The following GTF2A1 variants were observed in gnomAD, a reference collection of about 807,000 sequenced individuals.
GTF2A1 encodes transcription initiation factor IIA subunit 1.
GTF2A1 carries 12 observed loss-of-function variants against 54.1 expected under a neutral mutation model. The ratio of observed to expected loss-of-function variants is 0.22; its 90% CI spans 0.14 to 0.36. The LOEUF (loss-of-function observed/expected upper bound fraction) is 0.36, where lower values mean the gene tolerates loss of function less well. Ranked by LOEUF, GTF2A1 falls within the 10% of genes least tolerant of loss-of-function variation. The pLI is 1.00. For synonymous variants in GTF2A1, 145 were observed against 152.0 expected (o/e 0.95, Z 0.34); for missense variants, 335 against 442.2 (o/e 0.76, Z 2.17).
intron 3 of GTF2A1, among the ~76,000 whole-genome samples, chr14:81,202,124 CA>C (rs555702873): frequency 2.7e-4 from 38 of 141,916 alleles, no homozygotes; most frequent in Admixed American, 4.2e-4. Flanking sequence ...GGTTCCATAT[CA>C]AAAAAAAAAA....
intron 5 of GTF2A1, among the ~76,000 whole-genome samples, chr14:81,196,861 A>C (rs564363781): frequency 6.6e-6 from 1 of 152,326 alleles, no homozygotes; most frequent in East Asian, 1.9e-4. Flanking sequence ...AAATTTACAA[A>C]TTAACAAAAA....
At chr14:81,184,770 C>CTT (rs1892707505) in intron 8 of GTF2A1, among the ~76,000 whole-genome samples, 1 of 152,058 alleles carries the variant, frequency 6.6e-6, no homozygotes, top group South Asian at 2.1e-4. Flanking sequence ...AATAAATAAG[C>CTT]TTTTGTTAGA....
rs202118821 is a variant in GTF2A1 at position 81,220,447 on chromosome 14, G to A, written c.30+42C>T. ...CCCGCCCGGTCCGGCCGTTGCTGCA[G>A]CCTGAACGAAGCCCCCGCCGGCCAC... On this transcript the variant is annotated intron_variant, in intron 1 of 8. Transcript: ENST00000553612. 1,088 of 1,480,898 alleles carry A rather than the reference G, an allele frequency of 7.3e-4. 7 individuals carry two copies. The African/African-American group carries it at 0.014, about 19-fold the overall frequency. 91.7% of individuals were successfully genotyped at this position (1,480,898 alleles called of 1,614,324 possible). A position where few individuals can be genotyped will look rare whatever the true frequency, so the allele number is the denominator to read the frequency against.
At chr14:81,187,207 T>C (rs1222514878) in intron 7 of GTF2A1, among the ~76,000 whole-genome samples, 2 of 151,558 alleles carry the variant, frequency 1.3e-5, no homozygotes, top group Non-Finnish European at 2.9e-5. Flanking sequence ...ACAAAAAAAT[T>C]AGCCGGGCAT....
chr14:81,200,918 G>A (rs566069139), intron 4 of GTF2A1, among the ~76,000 whole-genome samples: 10 of 148,734 alleles, frequency 6.7e-5, no homozygotes, highest in Non-Finnish European at 1.3e-4. Flanking sequence ...ACAACTTCAA[G>A]GATATAGGTA....
At chr14:81,209,439 C>T (rs1267236462) in intron 2 of GTF2A1, among the ~76,000 whole-genome samples, 2 of 152,138 alleles carry the variant, frequency 1.3e-5, no homozygotes, top group Non-Finnish European at 2.9e-5. Context: ...TCTTTATCAG[C>T]AGTATGTATA....
rs1328833983 is a variant in GTF2A1 at position 81,193,020 on chromosome 14, T to C, written c.613-181A>G. Among the ~76,000 whole-genome samples the C allele has an allele frequency of 2.6e-5, 4 of 152,302 alleles. No homozygotes were observed. In the South Asian group the frequency reaches 8.3e-4, roughly 32 times the overall value. ...AGTGACCCATTAAATTTCTATTTTA[T>C]CAAATTTCTAGAAAATAAGGATTTT... On this transcript the variant is annotated intron_variant, in intron 6 of 8. Transcript: ENST00000553612.
In GTF2A1 at chr14:81,180,345, C is replaced by T; in HGVS notation, c.1024-15G>A. On this transcript the variant is annotated splice_polypyrimidine_tract_variant and intron_variant, in intron 8 of 8. Transcript: ENST00000553612. ...CTTCTGTGTATCTAAACAAAAACAA[C>T]ATTTTAAAAATTGAGAGATACAATC... The T allele has an allele frequency of 1.8e-6, 2 of 1,098,358 alleles. No homozygotes were observed. Among genetic ancestry groups the T allele is most frequent in the Non-Finnish European group, 2.8e-6 (2 of 726,210 alleles). 68.0% of individuals were successfully genotyped at this position (1,098,358 alleles called of 1,614,324 possible).
At chr14:81,207,050 T>C (rs562514537) in intron 2 of GTF2A1, among the ~76,000 whole-genome samples, 84 of 152,320 alleles carry the variant, frequency 5.5e-4, no homozygotes, top group African/African-American at 2.0e-3. Context: ...TCAAGGCGAA[T>C]TTTTTTAAAT....
At chr14:81,186,514 A>G (rs1892749389) in intron 7 of GTF2A1, among the ~76,000 whole-genome samples, 1 of 152,224 alleles carries the variant, frequency 6.6e-6, no homozygotes, top group Non-Finnish European at 1.5e-5. Context: ...TTAGGGGCCA[A>G]GATAAAACCT....
intron 7 of GTF2A1, among the ~76,000 whole-genome samples, chr14:81,190,069 A>G (rs957809157): frequency 3.3e-5 from 5 of 152,114 alleles, no homozygotes; most frequent in East Asian, 1.9e-4. Flanking sequence ...TCTGGCATCA[A>G]AAAGACAATA....
intron 2 of GTF2A1, among the ~76,000 whole-genome samples, chr14:81,205,435 AC>A: frequency 6.6e-6 from 1 of 152,362 alleles, no homozygotes; most frequent in Middle Eastern, 3.4e-3. Context: ...ATTTAGACTT[AC>A]CTGAAGTCTA....
chr14:81,190,875 T>C (rs1397264273), intron 7 of GTF2A1, among the ~76,000 whole-genome samples: 1 of 152,112 alleles, frequency 6.6e-6, no homozygotes, highest in Non-Finnish European at 1.5e-5. Context: ...TACAGATACA[T>C]TATGAGGACT....
upstream of GTF2A1, chr14:81,221,033 A>C (rs1167118482): frequency 2.0e-5 from 3 of 153,124 alleles, no homozygotes; most frequent in African/African-American, 7.3e-5. Flanking sequence ...ACACCGCGAG[A>C]GCCGCGTGCG....
chr14:81,204,837 G>A (rs1283070409), intron 2 of GTF2A1, among the ~76,000 whole-genome samples: 1 of 152,182 alleles, frequency 6.6e-6, no homozygotes, highest in African/African-American at 2.4e-5. Context: ...AAGAAAACAT[G>A]TGCAACGATT....
chr14:81,217,173 T>C (rs1296630157), intron 1 of GTF2A1, among the ~76,000 whole-genome samples: 2 of 152,260 alleles, frequency 1.3e-5, no homozygotes, highest in Non-Finnish European at 2.9e-5. Flanking sequence ...TGTTTACTAT[T>C]ATTATTACAA....
chr14:81,215,242 G>C (rs577501128), intron 2 of GTF2A1, among the ~76,000 whole-genome samples: 1 of 152,282 alleles, frequency 6.6e-6, no homozygotes, highest in East Asian at 1.9e-4. Context: ...TGTCAGAAAT[G>C]AGAAGTATAC....
chr14:81,202,860 T>C (rs564978382), intron 3 of GTF2A1: 3 of 482,982 alleles, frequency 6.2e-6, no homozygotes, highest in East Asian at 5.6e-5. Flanking sequence ...ATAAAATTAT[T>C]TGATACAAAG....
chr14:81,194,474 T>C (rs1290542599), intron 6 of GTF2A1, among the ~76,000 whole-genome samples: 1 of 152,206 alleles, frequency 6.6e-6, no homozygotes, highest in Non-Finnish European at 1.5e-5. Context: ...AACCCAGAAG[T>C]GACAGCAGTA....
Sources: allele counts gnomAD v4.1 joint callset (sites outside exome capture counted in the v4.1 genomes callset), GRCh38; gene constraint gnomAD v4.1.1; transcripts MANE v1.5; gene names NCBI Gene and HGNC (gene_info 2026-07-23, HGNC 2026-07-21).